Variants in TSPAN9 observed in about 807,000 individuals in gnomAD.
TSPAN9 encodes the protein tetraspanin 9.
Under a neutral mutation model 31.0 loss-of-function variants are expected in TSPAN9, and 16 were observed. That is an observed-to-expected ratio of 0.52 (90% CI 0.35 to 0.78). TSPAN9 has a LOEUF of 0.78. Among genes scored for constraint, TSPAN9 ranks in the 30% least tolerant of loss-of-function variants. The pLI, the probability that TSPAN9 is intolerant of heterozygous loss-of-function variation, is 0.01. For synonymous variants in TSPAN9, 145 were observed against 121.6 expected (o/e 1.19, Z -1.27); for missense variants, 272 against 312.5 (o/e 0.87, Z 0.98).
chr12:3,118,571 C>G (rs559200183), intron 2 of TSPAN9, among the ~76,000 whole-genome samples: 1 of 152,084 alleles, frequency 6.6e-6, no homozygotes, highest in East Asian at 1.9e-4. Context: ...AGACCCCTCT[C>G]TGCTCTTTTT....
chr12:3,257,704 C>G (rs1318456478), intron 3 of TSPAN9, among the ~76,000 whole-genome samples: 1 of 147,946 alleles, frequency 6.8e-6, no homozygotes, highest in Non-Finnish European at 1.5e-5. Flanking sequence ...GTTCTCACAC[C>G]CTTTCTACCT....
chr12:3,235,766 T>C (rs2098393425), intron 3 of TSPAN9, among the ~76,000 whole-genome samples: 1 of 152,212 alleles, frequency 6.6e-6, no homozygotes, highest in Non-Finnish European at 1.5e-5. Context: ...TGAGCTGGAC[T>C]GTGTGAGGGC....
At chr12:3,109,910 T>C (rs2098317532) in intron 2 of TSPAN9, among the ~76,000 whole-genome samples, 1 of 152,180 alleles carries the variant, frequency 6.6e-6, no homozygotes, top group African/African-American at 2.4e-5. Flanking sequence ...GGACAGATGT[T>C]AATTGGCTTG....
At chr12:3,264,511 C>T (rs1862507370) in intron 3 of TSPAN9, among the ~76,000 whole-genome samples, 1 of 152,196 alleles carries the variant, frequency 6.6e-6, no homozygotes, top group Non-Finnish European at 1.5e-5. Flanking sequence ...GGCAGGACGG[C>T]AGAGGGAGTA....
At position 3,168,395 on chromosome 12, in the gene TSPAN9, A is replaced by G. The variant is rs1488546901; in HGVS notation, c.-17-32782A>G. On this transcript the variant is annotated intron_variant, in intron 2 of 8. Transcript: ENST00000011898. This position sits in a 1 kb window ranked among gnomAD's most constrained non-coding sequence, Gnocchi z 4.0. ...CTTCGCAATATGTTCCGGGTGCTGTAGGGGTGCTGGGTGAACAAGAACTGG... is the reference window on the plus strand; with the variant it reads ...CTTCGCAATATGTTCCGGGTGCTGTGGGGGTGCTGGGTGAACAAGAACTGG... Among the ~76,000 whole-genome samples, 2 of 152,152 alleles carry G rather than the reference A, an allele frequency of 1.3e-5. No homozygotes were observed. Among genetic ancestry groups the G allele is most frequent in the Non-Finnish European group, 2.9e-5 (2 of 68,032 alleles).
At chr12:3,270,729 G>T (rs553270826) in intron 3 of TSPAN9, among the ~76,000 whole-genome samples, 22 of 152,370 alleles carry the variant, frequency 1.4e-4, no homozygotes, top group Admixed American at 5.9e-4. Flanking sequence ...ACCCCTGGAG[G>T]GGGGTAGGGG....
intron 3 of TSPAN9, among the ~76,000 whole-genome samples, chr12:3,274,675 T>C (rs1357361001): frequency 6.6e-6 from 1 of 152,150 alleles, no homozygotes; most frequent in Non-Finnish European, 1.5e-5. Context: ...TCCTGGAAAA[T>C]CGAGGCGTGA....
intron 2 of TSPAN9, among the ~76,000 whole-genome samples, chr12:3,190,050 C>G (rs2098363509): frequency 1.3e-5 from 2 of 152,308 alleles, no homozygotes; most frequent in East Asian, 3.9e-4. Context: ...TGGTTCTTCT[C>G]CATCTTCTTC....
In TSPAN9 at chr12:3,201,322, T is replaced by C; in HGVS notation, c.63+66T>C. ...TCCTCTTGGCTTACCATAGCGTGAA[T>C]ACCCTCTCCCTCTTCTGTGCTGCAT... On this transcript the variant is annotated intron_variant, in intron 3 of 8. Coordinates refer to ENST00000011898, the MANE Select transcript of TSPAN9 (RefSeq NM_006675.5). 2.8e-6 allele frequency: 4 copies of C among 1,424,844 alleles called. No individual in the cohort carries two copies. In the South Asian group the frequency reaches 4.6e-5, roughly 16 times the overall value. 88.3% of individuals were successfully genotyped at this position (1,424,844 alleles called of 1,614,324 possible). A position where few individuals can be genotyped will look rare whatever the true frequency, so the allele number is the denominator to read the frequency against.
intron 2 of TSPAN9, among the ~76,000 whole-genome samples, chr12:3,098,080 G>A (rs988917286): frequency 4.6e-5 from 7 of 152,248 alleles, no homozygotes; most frequent in Non-Finnish European, 4.4e-5. Context: ...GCAGCCGGAT[G>A]TGACAGGCAG....
intron 2 of TSPAN9, among the ~76,000 whole-genome samples, chr12:3,189,229 G>A (rs769432055): frequency 1.3e-5 from 2 of 152,198 alleles, no homozygotes; most frequent in African/African-American, 2.4e-5. Flanking sequence ...AGGCTTCGGA[G>A]GTGGAGGGCA....
intron 2 of TSPAN9, among the ~76,000 whole-genome samples, chr12:3,114,861 A>T (rs1299082095): frequency 6.6e-6 from 1 of 151,216 alleles, no homozygotes; most frequent in Non-Finnish European, 1.5e-5. Context: ...AAAAAAAAAA[A>T]GATTCCCTGT....
intron 2 of TSPAN9, among the ~76,000 whole-genome samples, chr12:3,102,230 C>T (rs2098312173): frequency 6.6e-6 from 1 of 151,834 alleles, no homozygotes; most frequent in Non-Finnish European, 1.5e-5. Context: ...TTCAAGCGAT[C>T]CTTCTGCCTC....
rs75793546 is a variant in TSPAN9 at position 3,235,616 on chromosome 12, C to T, written c.63+34360C>T. 6.7e-3 allele frequency among the ~76,000 whole-genome samples: 1,013 copies of T among 152,260 alleles called. 10 individuals are homozygous for T. Among genetic ancestry groups the T allele is most frequent in the Non-Finnish European group, 0.012 (807 of 68,014 alleles). ...GTGTGACGAATGCGTGTGTGATTCC[C>T]TCACTGAGTAGGTTTGAATTTGGAA... is the stretch of plus-strand genomic sequence containing the variant. On this transcript the variant is annotated intron_variant, in intron 3 of 8. Coordinates refer to ENST00000011898, the MANE Select transcript of TSPAN9 (RefSeq NM_006675.5).
chr12:3,177,156 G>T (rs919898220), intron 2 of TSPAN9, among the ~76,000 whole-genome samples: 1 of 152,124 alleles, frequency 6.6e-6, no homozygotes, highest in Admixed American at 6.5e-5. Flanking sequence ...ATGTTTTTTT[G>T]AGATAGAGTC....
intron 3 of TSPAN9, among the ~76,000 whole-genome samples, chr12:3,256,842 C>T (rs1010706910): frequency 6.6e-6 from 1 of 152,174 alleles, no homozygotes; most frequent in Non-Finnish European, 1.5e-5. Context: ...GCGACTCTCC[C>T]ATATGGCCAT....
intron 2 of TSPAN9, among the ~76,000 whole-genome samples, chr12:3,128,780 C>T (rs2098328449): frequency 2.0e-5 from 3 of 152,182 alleles, no homozygotes; most frequent in Non-Finnish European, 2.9e-5. Context: ...GTGAAATATA[C>T]GCAACATAAA....
rs539658607 is a variant in TSPAN9, at chr12:3,209,777, G to A, written c.63+8521G>A. 1.5e-4 allele frequency among the ~76,000 whole-genome samples: 23 copies of A among 151,976 alleles called. No homozygotes were observed. In the South Asian group the frequency reaches 4.6e-3, roughly 30 times the overall value. On this transcript the variant is annotated intron_variant, in intron 3 of 8. Coordinates refer to ENST00000011898, the MANE Select transcript of TSPAN9 (RefSeq NM_006675.5). ...GATCGAGACCATCCTGGCTAACACG[G>A]TGAAACCCCGTCTCTACTAAAAATA...
intron 1 of TSPAN9, among the ~76,000 whole-genome samples, chr12:3,081,084 G>A (rs2098297578): frequency 6.6e-6 from 1 of 152,212 alleles, no homozygotes; most frequent in African/African-American, 2.4e-5. Context: ...ACAATACCAA[G>A]TACTCAGGGT....
Sources: gnomAD v4.1 joint callset for allele counts (sites outside exome capture counted in the v4.1 genomes callset) on GRCh38, gnomAD v4.1.1 for gene constraint, Gnocchi (gnomAD v3.1) non-coding constraint, MANE v1.5 for transcripts, NCBI Gene and HGNC (gene_info 2026-07-23, HGNC 2026-07-21) for gene names.